Variants in GRIA1 observed in about 807,000 individuals in gnomAD.
GRIA1 encodes glutamate ionotropic receptor AMPA type subunit 1.
Under a neutral mutation model 99.2 loss-of-function variants are expected in GRIA1, and 31 were observed. The ratio of observed to expected loss-of-function variants is 0.31; its 90% CI spans 0.23 to 0.42. The LOEUF (loss-of-function observed/expected upper bound fraction) is 0.42. Ranked by LOEUF, GRIA1 falls within the 10% of genes least tolerant of loss-of-function variation. The pLI is 1.00. For synonymous variants in GRIA1, 438 were observed against 432.4 expected, an observed-to-expected ratio of 1.01 and a Z score of -0.16; for missense variants, 782 against 1,157.5, an observed-to-expected ratio of 0.68 and a Z score of 4.71.
chr5:153,806,824 C>A (rs1353383641), intron 15 of GRIA1, among the ~76,000 whole-genome samples: 3 of 152,166 alleles, frequency 2.0e-5, no homozygotes, highest in South Asian at 2.1e-4. Flanking sequence ...TTCTTACAAT[C>A]CTACAGATGA....
intron 13 of GRIA1, among the ~76,000 whole-genome samples, chr5:153,781,275 A>T (rs1764607280): frequency 6.6e-6 from 1 of 152,068 alleles, no homozygotes; most frequent in Non-Finnish European, 1.5e-5. Flanking sequence ...CTCAGAACAA[A>T]CGTCTAGTAA....
intron 15 of GRIA1, among the ~76,000 whole-genome samples, chr5:153,808,113 C>A (rs1265783455): frequency 6.6e-6 from 1 of 152,198 alleles, no homozygotes; most frequent in Non-Finnish European, 1.5e-5. Context: ...TGTGCAGAGG[C>A]TGAGCACTCT....
intron 13 of GRIA1, among the ~76,000 whole-genome samples, chr5:153,778,053 G>A (rs1200750442): frequency 1.8e-4 from 27 of 152,114 alleles, no homozygotes; most frequent in Admixed American, 1.3e-3. Context: ...CAGAAGAGCT[G>A]GAGAGAAAGG....
At chr5:153,650,936 T>C (rs1351406959) in intron 4 of GRIA1, among the ~76,000 whole-genome samples, 3 of 145,236 alleles carry the variant, frequency 2.1e-5, no homozygotes, top group African/African-American at 7.5e-5. Flanking sequence ...CTTGGTGTCG[T>C]GGCATGTACC....
intron 2 of GRIA1, among the ~76,000 whole-genome samples, chr5:153,514,016 C>T (rs1412594445): frequency 6.6e-6 from 1 of 152,222 alleles, no homozygotes; most frequent in Non-Finnish European, 1.5e-5. Flanking sequence ...TGCTGCAACA[C>T]ACCTCTAAGC....
chr5:153,592,641 T>C (rs778821), intron 2 of GRIA1, among the ~76,000 whole-genome samples: 75,542 of 152,096 alleles, frequency 0.5, 22,512 homozygotes, highest in East Asian at 0.8. Flanking sequence ...CCAGCTCTCA[T>C]AGGGGATCAC....
intron 11 of GRIA1, among the ~76,000 whole-genome samples, chr5:153,744,866 T>C (rs886798064): frequency 2.6e-5 from 4 of 151,864 alleles, no homozygotes; most frequent in Admixed American, 6.6e-5. Context: ...AAGCAAGGAG[T>C]GCTACCAACA....
chr5:153,521,578 C>T (rs771421483), intron 2 of GRIA1, among the ~76,000 whole-genome samples: 22 of 152,214 alleles, frequency 1.4e-4, no homozygotes, highest in Admixed American at 2.0e-4. Context: ...GAACCATCCT[C>T]GGTGGTGAGC....
chr5:153,561,202 G>A (rs1014686112), intron 2 of GRIA1, among the ~76,000 whole-genome samples: 1 of 152,152 alleles, frequency 6.6e-6, no homozygotes, highest in Non-Finnish European at 1.5e-5. Flanking sequence ...GATAGCTACA[G>A]TCTCTCTAGT....
intron 2 of GRIA1, among the ~76,000 whole-genome samples, chr5:153,604,242 C>T (rs185574455): frequency 4.6e-4 from 70 of 152,148 alleles, no homozygotes; most frequent in Admixed American, 1.2e-3. Flanking sequence ...CCTAACTTTG[C>T]CAAGCTCTTG....
chr5:153,675,350 T>C (rs2149486142), intron 6 of GRIA1, among the ~76,000 whole-genome samples: 1 of 152,362 alleles, frequency 6.6e-6, no homozygotes, highest in Non-Finnish European at 1.5e-5. Flanking sequence ...CCAGCAGATC[T>C]CTACCTGGGA....
chr5:153,611,976 T>C (rs756165679), intron 2 of GRIA1, among the ~76,000 whole-genome samples: 15 of 152,244 alleles, frequency 9.9e-5, no homozygotes, highest in Admixed American at 2.0e-4. Flanking sequence ...TAATTTATCG[T>C]GTGACCTTGG....
At chr5:153,620,632 T>C (rs1308740440) in intron 2 of GRIA1, among the ~76,000 whole-genome samples, 2 of 152,234 alleles carry the variant, frequency 1.3e-5, no homozygotes, top group Non-Finnish European at 2.9e-5. Flanking sequence ...TGATTTCTTC[T>C]ATTTAAATAT....
At chr5:153,615,161 T>A (rs1561692382) in intron 2 of GRIA1, among the ~76,000 whole-genome samples, 1 of 152,190 alleles carries the variant, frequency 6.6e-6, no homozygotes, top group Non-Finnish European at 1.5e-5. Flanking sequence ...ATATAAGCAC[T>A]CAACAGACAT....
chr5:153,620,591 T>A (rs1311743002), intron 2 of GRIA1, among the ~76,000 whole-genome samples: 1 of 152,234 alleles, frequency 6.6e-6, no homozygotes, highest in Non-Finnish European at 1.5e-5. Flanking sequence ...TCGTGTTTAC[T>A]GGGTGCCACA....
At chr5:153,787,131 A>G (rs376752170) in intron 13 of GRIA1, among the ~76,000 whole-genome samples, 20 of 152,326 alleles carry the variant, frequency 1.3e-4, no homozygotes, top group African/African-American at 4.8e-4. Context: ...GCTTTTTTCA[A>G]ACTTTAATTT....
chr5:153,703,059 G>A (rs1758643830), intron 10 of GRIA1, among the ~76,000 whole-genome samples: 1 of 152,140 alleles, frequency 6.6e-6, no homozygotes, highest in African/African-American at 2.4e-5. Flanking sequence ...TATTGGTGGT[G>A]GAAATCAACT....
chr5:153,649,427 T>TTTTATTTA lies in GRIA1; in HGVS notation c.461-894_461-887dup, dbSNP rs561422926. Reference sequence around the variant, plus strand: ...AGAGAGTAGTTTAATTCAGGACACATTTTATTTATTTATTTAGTTAGTTAG... The same window carrying TTTTATTTA: ...AGAGAGTAGTTTAATTCAGGACACATTTTATTTATTTATTTATTTATTTAGTTAGTTAG... On this transcript the variant is annotated intron_variant, in intron 3 of 15. Transcript: ENST00000285900. Among the ~76,000 whole-genome samples, 65 of 148,078 alleles carry TTTTATTTA rather than the reference T, an allele frequency of 4.4e-4. 1 individual carries two copies. The highest frequency in any genetic ancestry group is 3.9e-3 in the East Asian group (20 of 5,128).
rs750756312 is a variant in GRIA1 at position 153,699,067 on chromosome 5, C to T, written c.1446C>T (p.Val482=). Residue 482 remains valine (V), a synonymous_variant, in exon 10 of 16, where the codon GTC becomes GTT. Transcript: ENST00000285900. ...GGAATGGCATGGTGGGAGAGCTGGT[C>T]TATGGAGTAAGTTCACTGCAGGGTG... ...KAWNGMVGEL[V]YGRADVAVAP... is the part of the protein sequence containing the mutation. The T allele has an allele frequency of 1.2e-6, 2 of 1,610,204 alleles. No homozygotes were observed. The highest frequency in any genetic ancestry group is 2.2e-5 in the East Asian group (1 of 44,784).
Sources: gnomAD v4.1 joint callset for allele counts (sites outside exome capture counted in the v4.1 genomes callset) on GRCh38, gnomAD v4.1.1 for gene constraint, MANE v1.5 for transcripts, NCBI Gene and HGNC (gene_info 2026-07-23, HGNC 2026-07-21) for gene names.